The following KHDRBS2 variants were observed in gnomAD, a reference collection of about 807,000 sequenced individuals.
The protein encoded by KHDRBS2 is KH RNA binding domain containing, signal transduction associated 2, also known as KH domain-containing, RNA-binding, signal transduction-associated protein 2.
A neutral mutation model predicts 44.3 loss-of-function variants in KHDRBS2; 26 were observed. The ratio of observed to expected loss-of-function variants is 0.59; its 90% CI spans 0.43 to 0.81. The LOEUF is 0.81. Among genes scored for constraint, KHDRBS2 ranks in the 40% least tolerant of loss-of-function variants. The pLI is 0.00. For missense variants in KHDRBS2, 476 were observed against 433.1 expected (o/e 1.10, Z -0.88); for synonymous variants, 194 against 151.1 (o/e 1.28, Z -2.08).
Position 62,035,676 on chromosome 6 carries a change from A to G in KHDRBS2, c.336+12202T>C, listed in dbSNP as rs570711618. On this transcript the variant is annotated intron_variant, in intron 3 of 8. Coordinates refer to ENST00000281156, the MANE Select transcript of KHDRBS2 (RefSeq NM_152688.4). ...GGATTGTTTGTAATACAAAGGATAAATGCCTTAGGCGATGGATACCCCATT... is the reference window on the plus strand; with the variant it reads ...GGATTGTTTGTAATACAAAGGATAAGTGCCTTAGGCGATGGATACCCCATT... 1.2e-4 allele frequency among the ~76,000 whole-genome samples: 19 copies of G among 152,174 alleles called. No individual in the cohort carries two copies. The South Asian group carries it at 3.3e-3, about 27-fold the overall frequency.
the KHDRBS2 span, among the ~76,000 whole-genome samples, chr6:61,671,243 A>G: frequency 6.6e-6 from 1 of 151,612 alleles, no homozygotes; most frequent in African/African-American, 2.4e-5. Flanking sequence ...AGCATCTCCA[A>G]TTTTCTCCTG....
chr6:61,570,611 C>A, the KHDRBS2 span, among the ~76,000 whole-genome samples: 1 of 152,032 alleles, frequency 6.6e-6, no homozygotes, highest in Non-Finnish European at 1.5e-5. Context: ...CACCCAGGCA[C>A]ATAGTCATCA....
At chr6:62,238,326 T>C (rs1834037123) in intron 1 of KHDRBS2, among the ~76,000 whole-genome samples, 1 of 152,166 alleles carries the variant, frequency 6.6e-6, no homozygotes, top group African/African-American at 2.4e-5. Context: ...GTTTGATGAC[T>C]GTGTCTTATA....
intron 7 of KHDRBS2, among the ~76,000 whole-genome samples, chr6:61,705,893 T>C (rs1769453376): frequency 6.6e-6 from 1 of 151,816 alleles, no homozygotes; most frequent in Non-Finnish European, 1.5e-5. Flanking sequence ...AATAACATGG[T>C]ATTGTTGAAA....
At position 61,785,150 on chromosome 6, in the gene KHDRBS2, A is replaced by G. The variant is rs1582830702; in HGVS notation, c.811-52386T>C. 3.2e-5 allele frequency among the ~76,000 whole-genome samples: 4 copies of G among 125,906 alleles called. No individual in the cohort carries two copies. The Middle Eastern group carries it at 0.015, about 484-fold the overall frequency. The allele number at this position is 125,906 out of a possible 152,430, so 82.6% of individuals were successfully genotyped here. A position where few individuals can be genotyped will look rare whatever the true frequency, so the allele number is the denominator to read the frequency against. On this transcript the variant is annotated intron_variant, in intron 6 of 8. Coordinates refer to ENST00000281156, the MANE Select transcript of KHDRBS2 (RefSeq NM_152688.4). ...GGGCGAGAGAGTGAGACCTTGTCCT[A>G]AAAAAACAAACAAACAAACAACAAC... is the stretch of plus-strand genomic sequence containing the variant.
At chr6:61,671,915 T>C in the KHDRBS2 span, among the ~76,000 whole-genome samples, 3 of 151,882 alleles carry the variant, frequency 2.0e-5, no homozygotes, top group Admixed American at 6.6e-5. Flanking sequence ...GTTACATATG[T>C]ATACATGTGC....
intron 2 of KHDRBS2, among the ~76,000 whole-genome samples, chr6:62,073,954 C>A (rs1382740774): frequency 6.6e-6 from 1 of 151,802 alleles, no homozygotes; most frequent in African/African-American, 2.4e-5. Flanking sequence ...TGCACTACTG[C>A]ACCAGAACTG....
At chr6:62,220,633 A>T (rs1190420318) in intron 1 of KHDRBS2, among the ~76,000 whole-genome samples, 1 of 151,876 alleles carries the variant, frequency 6.6e-6, no homozygotes, top group Non-Finnish European at 1.5e-5. Context: ...GACTATTATC[A>T]TTCAACATTA....
chr6:61,712,882 T>C (rs991625285), intron 7 of KHDRBS2, among the ~76,000 whole-genome samples: 4 of 151,760 alleles, frequency 2.6e-5, no homozygotes, highest in African/African-American at 7.2e-5. Flanking sequence ...CTGAATATTA[T>C]GTAACTCAAG....
intron 1 of KHDRBS2, among the ~76,000 whole-genome samples, chr6:62,217,736 TA>T (rs1208298630): frequency 2.6e-5 from 4 of 151,810 alleles, no homozygotes; most frequent in Admixed American, 2.6e-4. Flanking sequence ...TTGTTTTTTA[TA>T]ATTATGAGGA....
At chr6:61,938,767 C>T (rs1284746084) in intron 4 of KHDRBS2, among the ~76,000 whole-genome samples, 2 of 151,854 alleles carry the variant, frequency 1.3e-5, no homozygotes, top group Non-Finnish European at 2.9e-5. Context: ...TTGAGAAAAT[C>T]CAGAAGAAAA....
chr6:61,691,271 G>A (rs1212442546), intron 8 of KHDRBS2, among the ~76,000 whole-genome samples: 1 of 152,082 alleles, frequency 6.6e-6, no homozygotes, highest in Non-Finnish European at 1.5e-5. Flanking sequence ...ATGTAGTGGT[G>A]CACTGCTCTT....
the KHDRBS2 span, among the ~76,000 whole-genome samples, chr6:61,559,776 A>C: frequency 6.6e-6 from 1 of 152,162 alleles, no homozygotes; most frequent in African/African-American, 2.4e-5. Context: ...CTACGTCTTG[A>C]AAAGTTGTTG....
At chr6:62,164,721 G>T (rs555589983) in intron 2 of KHDRBS2, among the ~76,000 whole-genome samples, 6 of 151,926 alleles carry the variant, frequency 3.9e-5, no homozygotes, top group African/African-American at 1.4e-4. Context: ...TCAAAAGTCT[G>T]TGCCTTTGTG....
intron 6 of KHDRBS2, among the ~76,000 whole-genome samples, chr6:61,848,562 TGTATATATATATAC>T (rs1475271827): frequency 0.02 from 639 of 31,508 alleles, 51 homozygotes; most frequent in African/African-American, 0.097. Context: ...CATATATATA[TGTATATATATATAC>T]ATATATATAT....
At chr6:61,575,761 T>C in the KHDRBS2 span, among the ~76,000 whole-genome samples, 1 of 152,150 alleles carries the variant, frequency 6.6e-6, no homozygotes, top group Non-Finnish European at 1.5e-5. Context: ...CACCATAGAA[T>C]ACTACTCAGA....
intron 7 of KHDRBS2, among the ~76,000 whole-genome samples, chr6:61,727,005 C>T (rs1773685781): frequency 6.6e-6 from 1 of 152,132 alleles, no homozygotes; most frequent in African/African-American, 2.4e-5. Flanking sequence ...AGACATCACG[C>T]TACCTGAATT....
intron 4 of KHDRBS2, among the ~76,000 whole-genome samples, chr6:61,948,021 A>G (rs1226127097): frequency 6.6e-6 from 1 of 151,768 alleles, no homozygotes; most frequent in East Asian, 1.9e-4. Flanking sequence ...ATAAATCATA[A>G]GAGTACATAA....
At chr6:62,102,139 T>C (rs1802038856) in intron 2 of KHDRBS2, among the ~76,000 whole-genome samples, 1 of 152,228 alleles carries the variant, frequency 6.6e-6, no homozygotes, top group Non-Finnish European at 1.5e-5. Context: ...TATATTCTAA[T>C]GGTAATTATT....
Sources: allele counts gnomAD v4.1 joint callset (sites outside exome capture counted in the v4.1 genomes callset), GRCh38; gene constraint gnomAD v4.1.1; transcripts MANE v1.5; gene names NCBI Gene and HGNC (gene_info 2026-07-23, HGNC 2026-07-21).